The following HEMK2 variants were observed in gnomAD, a reference collection of about 807,000 sequenced individuals.
HEMK2 encodes the protein HemK methyltransferase 2, ETF1 glutamine and histone H4 lysine, also known as methyltransferase HEMK2.
chr21:28,606,649 A>C, the HEMK2 span, among the ~76,000 whole-genome samples: 1 of 152,198 alleles, frequency 6.6e-6, no homozygotes, highest in Non-Finnish European at 1.5e-5. Context: ...TAACAGTTTC[A>C]TTTATTTATT....
chr21:28,835,940 G>GA, the HEMK2 span, among the ~76,000 whole-genome samples: 42 of 147,788 alleles, frequency 2.8e-4, no homozygotes, highest in East Asian at 5.3e-3. Flanking sequence ...CAAAGACAAA[G>GA]AAAAAAAAAA....
the HEMK2 span, among the ~76,000 whole-genome samples, chr21:28,859,114 TATA>T: frequency 6.6e-6 from 1 of 152,356 alleles, no homozygotes; most frequent in African/African-American, 2.4e-5. Flanking sequence ...CCTAGAAGCC[TATA>T]ATATTATCTT....
chr21:28,856,784 C>A, the HEMK2 span, among the ~76,000 whole-genome samples: 12 of 152,338 alleles, frequency 7.9e-5, no homozygotes, highest in South Asian at 2.5e-3. Context: ...ATCTATGCAA[C>A]CTGCGTATCA....
chr21:28,631,829 G>C, the HEMK2 span, among the ~76,000 whole-genome samples: 244 of 150,520 alleles, frequency 1.6e-3, 1 homozygote, highest in Non-Finnish European at 2.9e-3. Flanking sequence ...TAACCTCTTA[G>C]ATTTAAAAAA....
At chr21:28,837,154 A>G in the HEMK2 span, among the ~76,000 whole-genome samples, 1 of 152,242 alleles carries the variant, frequency 6.6e-6, no homozygotes, top group South Asian at 2.1e-4. Flanking sequence ...GAAAGTCAAC[A>G]AAGAAACAAT....
At chr21:28,605,927 T>C in the HEMK2 span, among the ~76,000 whole-genome samples, 2 of 152,146 alleles carry the variant, frequency 1.3e-5, no homozygotes, top group African/African-American at 2.4e-5. Context: ...GACAAAAAAA[T>C]TGCTTGCTTG....
chr21:28,727,298 A>G, the HEMK2 span, among the ~76,000 whole-genome samples: 4 of 152,180 alleles, frequency 2.6e-5, no homozygotes, highest in African/African-American at 9.6e-5. Context: ...TGGCTTTGGA[A>G]TAATTGTATG....
chr21:28,871,664 T>A, the HEMK2 span, among the ~76,000 whole-genome samples: 1 of 152,286 alleles, frequency 6.6e-6, no homozygotes, highest in South Asian at 2.1e-4. Context: ...AAACACATCC[T>A]CTCACAGTTT....
the HEMK2 span, among the ~76,000 whole-genome samples, chr21:28,707,091 G>T: frequency 6.6e-6 from 1 of 152,228 alleles, no homozygotes; most frequent in East Asian, 1.9e-4. Context: ...CATGTGGATT[G>T]TGTGTACTGA....
At chr21:28,646,476 A>AG in the HEMK2 span, among the ~76,000 whole-genome samples, 1 of 152,154 alleles carries the variant, frequency 6.6e-6, no homozygotes, top group Admixed American at 6.5e-5. Context: ...GTTTGACCCA[A>AG]ATAACTCTCT....
the HEMK2 span, among the ~76,000 whole-genome samples, chr21:28,719,610 C>A: frequency 1.3e-5 from 2 of 152,098 alleles, no homozygotes; most frequent in African/African-American, 2.4e-5. Context: ...AGTGTGAGAA[C>A]AGAATAATAC....
the HEMK2 span, among the ~76,000 whole-genome samples, chr21:28,682,125 T>C: frequency 6.6e-6 from 1 of 151,774 alleles, no homozygotes; most frequent in Non-Finnish European, 1.5e-5. Context: ...ACCTACAGAA[T>C]GGGAGAAAAT....
the HEMK2 span, among the ~76,000 whole-genome samples, chr21:28,613,619 CTTTT>C: frequency 4.8e-5 from 4 of 82,700 alleles, no homozygotes; most frequent in East Asian, 4.8e-4. Flanking sequence ...TCTGCATATT[CTTTT>C]TTTTTTTTTT....
the HEMK2 span, among the ~76,000 whole-genome samples, chr21:28,616,638 C>A: frequency 1.3e-5 from 2 of 152,132 alleles, no homozygotes; most frequent in Admixed American, 6.6e-5. Flanking sequence ...TCAGAAAATT[C>A]TTCTTTTAAC....
At chr21:28,778,967 C>T in the HEMK2 span, among the ~76,000 whole-genome samples, 81,715 of 151,960 alleles carry the variant, frequency 0.54, 24,859 homozygotes, top group African/African-American at 0.82. Flanking sequence ...TTTCCTCTTA[C>T]GCATCACGTT....
the HEMK2 span, among the ~76,000 whole-genome samples, chr21:28,672,522 G>A: frequency 6.6e-6 from 1 of 152,108 alleles, no homozygotes; most frequent in Non-Finnish European, 1.5e-5. Context: ...TGGTAGAAAA[G>A]AACATGCAAG....
the HEMK2 span, among the ~76,000 whole-genome samples, chr21:28,839,470 C>A: frequency 1.3e-5 from 2 of 151,996 alleles, no homozygotes; most frequent in South Asian, 2.1e-4. Context: ...ACCTTGAAAA[C>A]CCTAAGGACT....
the HEMK2 span, among the ~76,000 whole-genome samples, chr21:28,605,761 T>C: frequency 2.0e-5 from 3 of 152,184 alleles, no homozygotes; most frequent in African/African-American, 7.2e-5. Flanking sequence ...GTATATCAAG[T>C]ATAGAAAGTG....
the HEMK2 span, among the ~76,000 whole-genome samples, chr21:28,625,690 C>T: frequency 6.6e-6 from 1 of 151,884 alleles, no homozygotes; most frequent in East Asian, 1.9e-4. Flanking sequence ...TGCACTCCAG[C>T]CTAGGCCACA....
Sources: gnomAD v4.1 joint callset for allele counts (sites outside exome capture counted in the v4.1 genomes callset) on GRCh38, gnomAD v4.1.1 for gene constraint, MANE v1.5 for transcripts, NCBI Gene and HGNC (gene_info 2026-07-23, HGNC 2026-07-21) for gene names.